WWOX: variants seen among roughly 807,000 people sequenced by gnomAD.
The protein encoded by WWOX is WW domain containing oxidoreductase.
WWOX carries 69 observed loss-of-function variants against 46.2 expected under a neutral mutation model. The observed-to-expected ratio is 1.49, with a 90% confidence interval of 1.23 to 1.82. The LOEUF is 1.82. Among genes scored for constraint, WWOX ranks in the 40% most tolerant of loss-of-function variants. The probability of loss-of-function intolerance (pLI) is 0.00; values close to 1 mark genes in which losing one functional copy is unlikely to be tolerated. For missense variants in WWOX, 919 were observed against 542.6 expected, an observed-to-expected ratio of 1.69 and a Z score of -6.89; for synonymous variants, 359 against 202.6, an observed-to-expected ratio of 1.77 and a Z score of -6.56.
intron 5 of WWOX, among the ~76,000 whole-genome samples, chr16:78,183,227 A>G (rs1438828538): frequency 1.3e-5 from 2 of 152,160 alleles, no homozygotes; most frequent in African/African-American, 4.8e-5. Context: ...TAATAATAAT[A>G]TCTACCACCC....
At chr16:78,128,642 A>G (rs2033458307) in intron 4 of WWOX, among the ~76,000 whole-genome samples, 1 of 152,240 alleles carries the variant, frequency 6.6e-6, no homozygotes, top group Non-Finnish European at 1.5e-5. Flanking sequence ...CATCTTGATT[A>G]TAGAAACTCT....
chr16:79,192,547 T>C (rs905222880), intron 8 of WWOX, among the ~76,000 whole-genome samples: 7 of 152,218 alleles, frequency 4.6e-5, no homozygotes, highest in African/African-American at 1.7e-4. Context: ...GTAAGGTCTC[T>C]ATTGGTCAAG....
intron 4 of WWOX, among the ~76,000 whole-genome samples, chr16:78,148,567 T>G (rs941736594): frequency 6.6e-6 from 1 of 152,156 alleles, no homozygotes; most frequent in Non-Finnish European, 1.5e-5. Context: ...TTGTGCTGTT[T>G]TATTTTTCTT....
intron 8 of WWOX, among the ~76,000 whole-genome samples, chr16:78,597,421 G>A (rs529348945): frequency 3.9e-5 from 6 of 152,276 alleles, no homozygotes; most frequent in South Asian, 2.1e-4. Flanking sequence ...GTGAGTGCCC[G>A]CATCAGTGGG....
chr16:78,783,104 A>G (rs1431314647), intron 8 of WWOX, among the ~76,000 whole-genome samples: 1 of 152,240 alleles, frequency 6.6e-6, no homozygotes, highest in African/African-American at 2.4e-5. Flanking sequence ...ATGAGCAGCT[A>G]TGATCAAGTT....
chr16:79,028,540 C>T (rs1389790191), intron 8 of WWOX, among the ~76,000 whole-genome samples: 1 of 151,556 alleles, frequency 6.6e-6, no homozygotes, highest in Admixed American at 6.6e-5. Flanking sequence ...CCCTCCCATC[C>T]TTTCTTGCTT....
chr16:78,188,768 G>T (rs531468128), intron 5 of WWOX, among the ~76,000 whole-genome samples: 5 of 152,272 alleles, frequency 3.3e-5, no homozygotes, highest in African/African-American at 1.2e-4. Flanking sequence ...CATGGCTACT[G>T]GGGAGAAATG....
At chr16:78,733,881 C>G (rs117763604) in intron 8 of WWOX, among the ~76,000 whole-genome samples, 10,260 of 152,146 alleles carry the variant, frequency 0.067, 486 homozygotes, top group Middle Eastern at 0.11. Flanking sequence ...ACCTGGACAA[C>G]GTACAGAGAC....
At chr16:78,175,983 C>T (rs537599861) in intron 5 of WWOX, among the ~76,000 whole-genome samples, 1 of 152,244 alleles carries the variant, frequency 6.6e-6, no homozygotes, top group South Asian at 2.1e-4. Context: ...TGTTTGACCT[C>T]TCTCCAACAC....
intron 8 of WWOX, among the ~76,000 whole-genome samples, chr16:79,163,191 A>G (rs2050521296): frequency 1.3e-5 from 2 of 152,234 alleles, no homozygotes; most frequent in African/African-American, 4.8e-5. Flanking sequence ...CAAACCTAGG[A>G]GGGAGAGATT....
chr16:78,382,350 A>C (rs1432607669), intron 5 of WWOX, among the ~76,000 whole-genome samples: 1 of 152,230 alleles, frequency 6.6e-6, no homozygotes, highest in Non-Finnish European at 1.5e-5. Context: ...TGCCTTCCAC[A>C]TGCCGTAGAG....
intron 8 of WWOX, among the ~76,000 whole-genome samples, chr16:78,821,490 T>A (rs2151144322): frequency 6.6e-6 from 1 of 152,364 alleles, no homozygotes. Flanking sequence ...CTGGCCTTTG[T>A]CCATTGTGTA....
At chr16:79,187,110 A>G (rs1433354751) in intron 8 of WWOX, among the ~76,000 whole-genome samples, 1 of 152,218 alleles carries the variant, frequency 6.6e-6, no homozygotes, top group Non-Finnish European at 1.5e-5. Flanking sequence ...AAAATCATAG[A>G]CACTGAGCCG....
chr16:79,057,681 T>G (rs1040974884), intron 8 of WWOX, among the ~76,000 whole-genome samples: 1 of 152,080 alleles, frequency 6.6e-6, no homozygotes, highest in Non-Finnish European at 1.5e-5. Flanking sequence ...TGGCCTACTA[T>G]GGTATTACAG....
intron 8 of WWOX, among the ~76,000 whole-genome samples, chr16:78,485,251 C>T (rs1195048049): frequency 4.6e-5 from 7 of 152,156 alleles, no homozygotes. Flanking sequence ...CATGCACAGC[C>T]TCCTCCAGCT....
Position 78,355,734 on chromosome 16 carries a change from C to T in WWOX, c.517-31126C>T, listed in dbSNP as rs144160437. The stretch of plus-strand genomic sequence containing the variant: ...ACTACTATAGAAATTGATGAGGAAA[C>T]ATATGAAGAGACATATGAATCAACA... On this transcript the variant is annotated intron_variant, in intron 5 of 8. Transcript: ENST00000566780. The T allele has an allele frequency of 2.4e-4, 173 of 722,716 alleles. No homozygotes were observed. The African/African-American group carries it at 3.1e-3, about 13-fold the overall frequency. 44.8% of individuals were successfully genotyped at this position (722,716 alleles called of 1,614,324 possible).
chr16:78,825,916 A>C, intron 8 of WWOX: 1 of 725,540 alleles, frequency 1.4e-6, no homozygotes, highest in Non-Finnish European at 2.4e-6. Context: ...TGGAACCCAA[A>C]GATGAGGTAG....
chr16:78,559,386 C>CG (rs1397330992), intron 8 of WWOX, among the ~76,000 whole-genome samples: 2 of 152,158 alleles, frequency 1.3e-5, no homozygotes, highest in African/African-American at 2.4e-5. Context: ...TGGATATAGA[C>CG]TAAGACATGC....
At chr16:78,806,457 A>G (rs939932280) in intron 8 of WWOX, among the ~76,000 whole-genome samples, 1 of 152,210 alleles carries the variant, frequency 6.6e-6, no homozygotes, top group Non-Finnish European at 1.5e-5. Flanking sequence ...CTGCTCCAGC[A>G]TCAGCTGAAG....
Sources: allele counts gnomAD v4.1 joint callset (sites outside exome capture counted in the v4.1 genomes callset), GRCh38; gene constraint gnomAD v4.1.1; transcripts MANE v1.5; gene names NCBI Gene and HGNC (gene_info 2026-07-23, HGNC 2026-07-21).